The following AUTS2 variants were observed in gnomAD, a reference collection of about 807,000 sequenced individuals.
The protein encoded by AUTS2 is autism susceptibility gene 2 protein.
In AUTS2, 17 loss-of-function variants were observed where a neutral mutation model predicts 112.4. The observed-to-expected ratio is 0.15, with a 90% CI of 0.10 to 0.23. The LOEUF is 0.23. AUTS2 is among the 10% of genes least tolerant of loss of function. AUTS2 has a pLI of 1.00. For missense variants in AUTS2, 1,510 were observed against 1,701.6 expected, an observed-to-expected ratio of 0.89 and a Z score of 1.98; for synonymous variants, 751 against 702.7, an observed-to-expected ratio of 1.07 and a Z score of -1.09.
At chr7:69,799,848 T>G (rs1315152212) in intron 1 of AUTS2, among the ~76,000 whole-genome samples, 1 of 152,164 alleles carries the variant, frequency 6.6e-6, no homozygotes, top group African/African-American at 2.4e-5. Flanking sequence ...TTCCCATTTG[T>G]GTGTGTTCCT....
rs374992505 is a variant in AUTS2, at chr7:70,071,177, T to C, written c.523-46955T>C. 3.3e-5 allele frequency among the ~76,000 whole-genome samples: 5 copies of C among 152,302 alleles called. No individual in the cohort carries two copies. The East Asian group carries it at 7.7e-4, about 24-fold the overall frequency. ...CAGAAACACTACTTTAGGAATCTTA[T>C]TCCATTTGGGAATTCTGACTAGAAG... On this transcript the variant is annotated intron_variant, in intron 2 of 18. Coordinates refer to ENST00000342771, the MANE Select transcript of AUTS2 (RefSeq NM_015570.4).
intron 1 of AUTS2, among the ~76,000 whole-genome samples, chr7:69,874,795 A>T (rs978533220): frequency 1.3e-5 from 2 of 152,000 alleles, no homozygotes; most frequent in Non-Finnish European, 2.9e-5. Flanking sequence ...AGTACCTGGG[A>T]TCATAGGCAT....
At chr7:69,902,359 A>G (rs1011272708) in intron 2 of AUTS2, among the ~76,000 whole-genome samples, 8 of 152,276 alleles carry the variant, frequency 5.3e-5, no homozygotes, top group African/African-American at 1.7e-4. Flanking sequence ...TTATCAGGTA[A>G]AGAAACTGAA....
chr7:70,683,268 GT>G (rs11346171), intron 5 of AUTS2, among the ~76,000 whole-genome samples: 34,776 of 152,196 alleles, frequency 0.23, 4,735 homozygotes, highest in Non-Finnish European at 0.3. Context: ...TTGCAGTTTA[GT>G]TTTATGTTTG....
chr7:70,378,951 C>T (rs1793242164), intron 4 of AUTS2, among the ~76,000 whole-genome samples: 1 of 152,092 alleles, frequency 6.6e-6, no homozygotes, highest in South Asian at 2.1e-4. Context: ...GGAGCCTATC[C>T]TTGTGATTTG....
chr7:70,072,964 A>C (rs1031641554), intron 2 of AUTS2, among the ~76,000 whole-genome samples: 1 of 151,838 alleles, frequency 6.6e-6, no homozygotes, highest in Admixed American at 6.6e-5. Context: ...AGCAAAGATC[A>C]TATGTCTATT....
intron 5 of AUTS2, chr7:70,596,459 C>G (rs1803216290): frequency 6.6e-6 from 1 of 152,248 alleles, no homozygotes; most frequent in African/African-American, 2.4e-5. Flanking sequence ...GGCTGCCACC[C>G]TCGGACTTCC....
chr7:69,804,570 A>G (rs1464504297), intron 1 of AUTS2, among the ~76,000 whole-genome samples: 1 of 152,190 alleles, frequency 6.6e-6, no homozygotes, highest in Non-Finnish European at 1.5e-5. Context: ...GAAGACTTAA[A>G]TATACTTACT....
chr7:70,329,990 C>T (rs1380663582), intron 4 of AUTS2, among the ~76,000 whole-genome samples: 2 of 152,110 alleles, frequency 1.3e-5, no homozygotes, highest in African/African-American at 2.4e-5. Flanking sequence ...TGTGTGAAGC[C>T]TCTTGTATAA....
chr7:70,145,556 C>T (rs933308640), intron 4 of AUTS2, among the ~76,000 whole-genome samples: 3 of 152,178 alleles, frequency 2.0e-5, no homozygotes, highest in Non-Finnish European at 2.9e-5. Flanking sequence ...TATGTTTTAA[C>T]AGATATGCTT....
intron 5 of AUTS2, among the ~76,000 whole-genome samples, chr7:70,643,923 C>A (rs935686380): frequency 6.6e-6 from 1 of 152,150 alleles, no homozygotes; most frequent in Non-Finnish European, 1.5e-5. Flanking sequence ...TCCCTTTCCA[C>A]CAAGACAGCC....
At chr7:69,946,108 A>T (rs903898000) in intron 2 of AUTS2, among the ~76,000 whole-genome samples, 1 of 152,100 alleles carries the variant, frequency 6.6e-6, no homozygotes. Context: ...CTGCCTCCCA[A>T]AGTGCTGGGA....
At chr7:70,583,630 G>A (rs1171929866) in intron 5 of AUTS2, among the ~76,000 whole-genome samples, 1 of 152,222 alleles carries the variant, frequency 6.6e-6, no homozygotes, top group Admixed American at 6.5e-5. Context: ...GTTTTTAGGG[G>A]AGTGGTGGAC....
intron 1 of AUTS2, among the ~76,000 whole-genome samples, chr7:69,878,221 G>A (rs913297709): frequency 1.3e-5 from 2 of 152,170 alleles, no homozygotes; most frequent in African/African-American, 4.8e-5. Context: ...GAGGAAGTGA[G>A]TCTTGAAGTC....
chr7:70,439,511 C>A (rs145843818), intron 5 of AUTS2, among the ~76,000 whole-genome samples: 2,742 of 147,798 alleles, frequency 0.019, 30 homozygotes, highest in Middle Eastern at 0.046. Context: ...TGCACTCCAG[C>A]CTGGGCGACA....
chr7:69,654,356 G>C (rs1417314787), intron 1 of AUTS2, among the ~76,000 whole-genome samples: 1 of 152,190 alleles, frequency 6.6e-6, no homozygotes, highest in African/African-American at 2.4e-5. Context: ...AGGGGAAGGA[G>C]AGCACAGGCC....
intron 1 of AUTS2, among the ~76,000 whole-genome samples, chr7:69,745,090 T>A (rs182229437): frequency 6.6e-6 from 1 of 152,252 alleles, no homozygotes; most frequent in East Asian, 1.9e-4. Context: ...TCAGAACAGG[T>A]CATTGAGCAT....
At chr7:69,807,541 A>G (rs1224630495) in intron 1 of AUTS2, among the ~76,000 whole-genome samples, 1 of 151,996 alleles carries the variant, frequency 6.6e-6, no homozygotes, top group Non-Finnish European at 1.5e-5. Flanking sequence ...TTCCTTAGAG[A>G]CCTGTTCTTG....
chr7:70,751,084 A>T (rs13231053), intron 6 of AUTS2, among the ~76,000 whole-genome samples: 61,353 of 151,980 alleles, frequency 0.4, 14,400 homozygotes, highest in African/African-American at 0.65. Flanking sequence ...GACGTGCAAA[A>T]CACCCCAAAA....
Sources: allele counts gnomAD v4.1 joint callset (sites outside exome capture counted in the v4.1 genomes callset), GRCh38; gene constraint gnomAD v4.1.1; transcripts MANE v1.5; gene names NCBI Gene and HGNC (gene_info 2026-07-23, HGNC 2026-07-21).